PLOD1: variants seen among roughly 807,000 people sequenced by gnomAD.
PLOD1 encodes the protein procollagen-lysine,2-oxoglutarate 5-dioxygenase 1.
A neutral mutation model predicts 94.7 loss-of-function variants in PLOD1; 70 were observed. The observed-to-expected ratio is 0.74, with a 90% confidence interval of 0.61 to 0.90. PLOD1 has a LOEUF of 0.90. Ranked by LOEUF, PLOD1 falls within the 40% of genes least tolerant of loss-of-function variation. The pLI is 0.00. For missense variants in PLOD1, 905 were observed against 972.7 expected (o/e 0.93, Z 0.93); for synonymous variants, 417 against 400.2 (o/e 1.04, Z -0.50).
rs552867738 is a variant in PLOD1, at chr1:11,938,024, C to T, written c.76+3169C>T. Among the ~76,000 whole-genome samples, 10 of 150,818 alleles carry T rather than the reference C, an allele frequency of 6.6e-5. No homozygotes were observed. The East Asian group carries it at 1.4e-3, about 21-fold the overall frequency. ...CTGGAGTGCAGTGGCACGATCTCAGCGCACTGCAGCCTCCACCTCCAGGGT... is the reference window on the plus strand; with the variant it reads ...CTGGAGTGCAGTGGCACGATCTCAGTGCACTGCAGCCTCCACCTCCAGGGT... On this transcript the variant is annotated intron_variant, in intron 1 of 18. Transcript: ENST00000196061.
At chr1:11,953,089 T>C (rs1175092592) in intron 5 of PLOD1, among the ~76,000 whole-genome samples, 1 of 152,100 alleles carries the variant, frequency 6.6e-6, no homozygotes, top group Non-Finnish European at 1.5e-5. Flanking sequence ...GGAGTCTCAC[T>C]GTATTGCCCA....
chr1:11,970,937 G>A (rs1249150974), intron 17 of PLOD1, 121 bp downstream of exon 17: 1 of 664,346 alleles, frequency 1.5e-6, no homozygotes, highest in Non-Finnish European at 2.3e-6. Flanking sequence ...GAGGTGGAGT[G>A]AGGGTGTGGG....
At position 11,972,846 on chromosome 1, in the gene PLOD1, T is replaced by C. The variant is rs1262417776; in HGVS notation, c.1903-26T>C. ...TGTGTCCTCCTTAACTAACACGGGC[T>C]CTCTTGTCCCCCTGCCTTGGTACAG... is the stretch of plus-strand genomic sequence containing the variant. On this transcript the variant is annotated intron_variant, in intron 17 of 18. Transcript: ENST00000196061. This position sits in a 1 kb window ranked among gnomAD's most constrained non-coding sequence, Gnocchi z 4.6. The C allele has an allele frequency of 6.2e-7, 1 of 1,613,610 alleles. No individual in the cohort carries two copies. Among genetic ancestry groups the C allele is most frequent in the Non-Finnish European group, 8.5e-7 (1 of 1,179,754 alleles).
intron 15 of PLOD1, 116 bp downstream of exon 15, chr1:11,966,432 A>T: frequency 4.1e-6 from 1 of 246,642 alleles, no homozygotes; most frequent in Non-Finnish European, 8.0e-6. Context: ...TTGGGGGTGG[A>T]GGGATGGGAG....
chr1:11,974,505 C>A (rs1645889581), intron 18 of PLOD1, 148 bp from the exon 19 acceptor site: 1 of 788,398 alleles, frequency 1.3e-6, no homozygotes, highest in Admixed American at 2.0e-5. Context: ...TTAGTGTCTT[C>A]CTTAGCAGCG....
In PLOD1 at chr1:11,951,240, C is replaced by G. The variant is rs186839962; in HGVS notation, c.466+720C>G. 1.4e-4 allele frequency among the ~76,000 whole-genome samples: 21 copies of G among 152,298 alleles called. No individual in the cohort carries two copies. The South Asian group carries it at 1.9e-3, about 14-fold the overall frequency. On this transcript the variant is annotated intron_variant, in intron 4 of 18. Coordinates refer to ENST00000196061, the MANE Select transcript of PLOD1 (RefSeq NM_000302.4). ...TACCCTCATGCCCTTCCAGGCCATT[C>G]TCCATCCAGCAGCCAGAGGTGTCTT...
At chr1:11,951,100 C>T (rs1331815563) in intron 4 of PLOD1, among the ~76,000 whole-genome samples, 3 of 151,968 alleles carry the variant, frequency 2.0e-5, no homozygotes, top group African/African-American at 7.2e-5. Flanking sequence ...GGCCACCTGC[C>T]TCCTACTTCC....
chr1:11,973,970 C>A (rs574684682), intron 18 of PLOD1, among the ~76,000 whole-genome samples: 2 of 152,090 alleles, frequency 1.3e-5, no homozygotes. Flanking sequence ...CAGAGATGCC[C>A]GGGACAGCCT....
Position 11,965,490 on chromosome 1 carries a change from T to C in PLOD1, c.1481T>C (p.Met494Thr). The change falls in exon 14 of 19, where the codon ATG (methionine) becomes ACG (threonine). Residue 494 changes from methionine to threonine, a missense_variant. Transcript: ENST00000196061. ...GCCTGTCCTCCCCAGGATGTGTTCATGTTCCTGACCAACCGGCACACCCTT... is the reference window on the plus strand; with the variant it reads ...GCCTGTCCTCCCCAGGATGTGTTCACGTTCCTGACCAACCGGCACACCCTT... Reference protein sequence around the residue: ...CANIRQQDVFMFLTNRHTLGH... With the variant: ...CANIRQQDVFTFLTNRHTLGH... 6.2e-7 allele frequency: 1 copy of C among 1,611,102 alleles called. No individual in the cohort carries two copies. Among genetic ancestry groups the C allele is most frequent in the Non-Finnish European group, 8.5e-7 (1 of 1,177,608 alleles).
At chr1:11,945,131 A>T (rs1645641630) in intron 1 of PLOD1, among the ~76,000 whole-genome samples, 1 of 152,184 alleles carries the variant, frequency 6.6e-6, no homozygotes, top group South Asian at 2.1e-4. Context: ...TAGAGAAAGG[A>T]GACACAGGCC....
chr1:11,940,563 C>T (rs895153874), intron 1 of PLOD1, among the ~76,000 whole-genome samples: 2 of 152,182 alleles, frequency 1.3e-5, no homozygotes, highest in African/African-American at 2.4e-5. Context: ...AACTGAGGCA[C>T]GGAGAGGCTA....
chr1:11,937,328 A>T (rs1322345816), intron 1 of PLOD1, among the ~76,000 whole-genome samples: 1 of 152,156 alleles, frequency 6.6e-6, no homozygotes, highest in African/African-American at 2.4e-5. Flanking sequence ...GAAGTTGGGG[A>T]GAGTTCAGCT....
intron 2 of PLOD1, 71 bp from the exon 3 acceptor site, chr1:11,949,702 G>A: frequency 1.3e-6 from 2 of 1,527,326 alleles, no homozygotes; most frequent in Non-Finnish European, 1.8e-6. Flanking sequence ...TTACCAGCAT[G>A]AGCCACCACG....
chr1:11,934,994 G>A (rs978177369), intron 1 of PLOD1, 139 bp downstream of exon 1: 74 of 1,115,938 alleles, frequency 6.6e-5, no homozygotes, highest in Non-Finnish European at 1.7e-5. Flanking sequence ...CCACTTAATC[G>A]CTGGTGACTT....
intron 1 of PLOD1, among the ~76,000 whole-genome samples, chr1:11,943,067 A>G (rs914880001): frequency 3.9e-5 from 6 of 152,034 alleles, no homozygotes; most frequent in South Asian, 2.1e-4. Flanking sequence ...GCTCACTGCA[A>G]TCTCTGCCCC....
At chr1:11,966,514 G>C (rs1321313445) in intron 15 of PLOD1, 198 bp downstream of exon 15, 2 of 279,400 alleles carry the variant, frequency 7.2e-6, no homozygotes, top group African/African-American at 5.1e-5. Flanking sequence ...GGAGTGGGGG[G>C]TGGTGGGATG....
chr1:11,970,657 C>A lies in PLOD1; in HGVS notation c.1756-13C>A, dbSNP rs370882934. 3 of 1,612,720 alleles carry A rather than the reference C, an allele frequency of 1.9e-6. No homozygotes were observed. Among genetic ancestry groups the A allele is most frequent in the African/African-American group, 2.7e-5 (2 of 74,780 alleles). ...TAGAATTCTGCCTAAACATTCACCT[C>A]GGTCACCTCCAGGACAACCGCATCC... On this transcript the variant is annotated splice_polypyrimidine_tract_variant and intron_variant, in intron 16 of 18. Coordinates refer to ENST00000196061, the MANE Select transcript of PLOD1 (RefSeq NM_000302.4).
At chr1:11,949,274 G>A (rs1645679872) in intron 2 of PLOD1, among the ~76,000 whole-genome samples, 1 of 152,108 alleles carries the variant, frequency 6.6e-6, no homozygotes, top group Non-Finnish European at 1.5e-5. Flanking sequence ...CTCCGGATGT[G>A]GGAGGGGCAG....
chr1:11,966,763 T>C (rs1373856813), intron 15 of PLOD1, among the ~76,000 whole-genome samples: 1 of 151,910 alleles, frequency 6.6e-6, no homozygotes, highest in Non-Finnish European at 1.5e-5. Context: ...TCCATGCCCA[T>C]GTTTCTGTCT....
Sources: gnomAD v4.1 joint callset for allele counts (sites outside exome capture counted in the v4.1 genomes callset) on GRCh38, gnomAD v4.1.1 for gene constraint, Gnocchi (gnomAD v3.1) non-coding constraint, MANE v1.5 for transcripts, NCBI Gene and HGNC (gene_info 2026-07-23, HGNC 2026-07-21) for gene names.